UNC13C: variants seen among roughly 807,000 people sequenced by gnomAD.
UNC13C encodes the protein protein unc-13 homolog C.
A neutral mutation model predicts 245.4 loss-of-function variants in UNC13C; 174 were observed. That is an observed-to-expected ratio of 0.71 (90% CI 0.63 to 0.80). UNC13C has a LOEUF of 0.80. UNC13C is among the 30% of genes least tolerant of loss of function. UNC13C has a pLI of 0.00. For missense variants in UNC13C, 2,829 were observed against 2,602.9 expected, an observed-to-expected ratio of 1.09 and a Z score of -1.89; for synonymous variants, 992 against 895.1, an observed-to-expected ratio of 1.11 and a Z score of -1.93.
upstream of UNC13C, among the ~76,000 whole-genome samples, chr15:53,974,115 G>T (rs1047555575): frequency 6.6e-6 from 1 of 152,200 alleles, no homozygotes; most frequent in Middle Eastern, 3.4e-3. Flanking sequence ...ATAATGTTTT[G>T]CAAGTTTTTA....
At chr15:54,211,051 C>T (rs984303790) in intron 4 of UNC13C, among the ~76,000 whole-genome samples, 5 of 152,108 alleles carry the variant, frequency 3.3e-5, no homozygotes, top group Admixed American at 1.3e-4. Context: ...AATTGTCTGG[C>T]AGCACTCTAT....
chr15:54,280,747 CATATATACACATACATACATACATATAT>C (rs869033332), intron 10 of UNC13C, among the ~76,000 whole-genome samples: 1 of 74,630 alleles, frequency 1.3e-5, no homozygotes, highest in Non-Finnish European at 2.5e-5. Context: ...TACATATATA[CATATATACACATACATACATACATATAT>C]ATATATACAC....
At chr15:54,059,745 C>G (rs1897718278) in intron 2 of UNC13C, among the ~76,000 whole-genome samples, 1 of 152,188 alleles carries the variant, frequency 6.6e-6, no homozygotes, top group Non-Finnish European at 1.5e-5. Context: ...ATCAAAACAG[C>G]ATGGTACTGG....
chr15:54,285,269 AC>A (rs1182621688), intron 10 of UNC13C, among the ~76,000 whole-genome samples: 3 of 151,962 alleles, frequency 2.0e-5, no homozygotes, highest in East Asian at 3.9e-4. Context: ...TTTTTTTTAA[AC>A]TCCAATACTC....
intron 1 of UNC13C, among the ~76,000 whole-genome samples, chr15:53,980,569 T>C (rs1052157923): frequency 2.6e-5 from 4 of 152,224 alleles, no homozygotes; most frequent in Admixed American, 6.5e-5. Flanking sequence ...ATTTTCAAAC[T>C]ATAATGGAAT....
intron 1 of UNC13C, among the ~76,000 whole-genome samples, chr15:54,005,170 C>T (rs1011056350): frequency 5.3e-5 from 8 of 151,982 alleles, no homozygotes; most frequent in Middle Eastern, 3.2e-3. Flanking sequence ...AACCTAGGGG[C>T]CCAGTGGTGA....
chr15:54,413,563 T>A (rs887473767), intron 18 of UNC13C, among the ~76,000 whole-genome samples: 10 of 152,162 alleles, frequency 6.6e-5, no homozygotes, highest in Non-Finnish European at 1.5e-4. Context: ...TGTATTAAAT[T>A]TTTTAGAAAA....
rs1373295957 is a variant in UNC13C, at chr15:54,610,290, C to T, written c.6107-12037C>T. On this transcript the variant is annotated intron_variant, in intron 30 of 32. Transcript: ENST00000260323. ...TTGCTCTGTCGCCCAGGCAGGAGCACAGTGGCGCGATCTCGGCTCACTTCA... is the reference window on the plus strand; with the variant it reads ...TTGCTCTGTCGCCCAGGCAGGAGCATAGTGGCGCGATCTCGGCTCACTTCA... Among the ~76,000 whole-genome samples, 9 of 152,068 alleles carry T rather than the reference C, an allele frequency of 5.9e-5. No individual in the cohort carries two copies. In the East Asian group the frequency reaches 1.7e-3, roughly 29 times the overall value.
intron 13 of UNC13C, among the ~76,000 whole-genome samples, chr15:54,304,844 A>C (rs1232130017): frequency 1.3e-5 from 2 of 152,058 alleles, no homozygotes; most frequent in Non-Finnish European, 2.9e-5. Flanking sequence ...CAACATAGAT[A>C]CAATCTCTAT....
chr15:54,156,358 C>T (rs1290969965), intron 4 of UNC13C, among the ~76,000 whole-genome samples: 3 of 152,244 alleles, frequency 2.0e-5, no homozygotes, highest in East Asian at 3.9e-4. Flanking sequence ...AAAGGCCAAA[C>T]CAGGGGATTT....
At chr15:53,997,383 A>C (rs1323128469) in intron 1 of UNC13C, among the ~76,000 whole-genome samples, 1 of 152,176 alleles carries the variant, frequency 6.6e-6, no homozygotes, top group African/African-American at 2.4e-5. Flanking sequence ...ATGGTTTTCA[A>C]AGAAGACAAG....
chr15:53,904,631 C>T, the UNC13C span, among the ~76,000 whole-genome samples: 1 of 151,996 alleles, frequency 6.6e-6, no homozygotes, highest in East Asian at 1.9e-4. Context: ...TATTCTGAAC[C>T]TTATAGGAAA....
the UNC13C span, among the ~76,000 whole-genome samples, chr15:53,890,421 A>G: frequency 4.1e-4 from 63 of 152,270 alleles, no homozygotes; most frequent in African/African-American, 1.3e-3. Flanking sequence ...GATTACAGGC[A>G]TGAGCCACTG....
At chr15:54,048,535 A>C (rs1956180906) in intron 2 of UNC13C, 1 of 532,070 alleles carries the variant, frequency 1.9e-6, no homozygotes, top group South Asian at 1.8e-5. Flanking sequence ...CCATTTTTTG[A>C]CTCTTTAAAT....
intron 17 of UNC13C, among the ~76,000 whole-genome samples, chr15:54,384,760 C>T (rs1467385149): frequency 1.3e-5 from 2 of 152,084 alleles, no homozygotes; most frequent in African/African-American, 4.8e-5. Context: ...GCAAATTATT[C>T]ATCCTACAGG....
intron 2 of UNC13C, among the ~76,000 whole-genome samples, chr15:54,072,987 G>A (rs1299609815): frequency 1.3e-5 from 2 of 151,844 alleles, no homozygotes; most frequent in Non-Finnish European, 2.9e-5. Context: ...ACCCATTAAC[G>A]CATCATCTAC....
At chr15:54,413,740 G>A (rs538305916) in intron 18 of UNC13C, among the ~76,000 whole-genome samples, 23 of 152,182 alleles carry the variant, frequency 1.5e-4, no homozygotes, top group African/African-American at 5.1e-4. Flanking sequence ...TGTGTCAATA[G>A]TCTTTTCTTA....
intron 17 of UNC13C, among the ~76,000 whole-genome samples, chr15:54,357,620 A>G (rs1232913273): frequency 6.6e-6 from 1 of 152,104 alleles, no homozygotes; most frequent in East Asian, 1.9e-4. Context: ...TTAAAAAATA[A>G]CTTTAAGCCT....
the UNC13C span, among the ~76,000 whole-genome samples, chr15:53,893,364 T>A: frequency 6.6e-6 from 1 of 152,192 alleles, no homozygotes; most frequent in Non-Finnish European, 1.5e-5. Context: ...TTCTGACCCT[T>A]AACAGAGCTT....
Sources: allele counts gnomAD v4.1 joint callset (sites outside exome capture counted in the v4.1 genomes callset), GRCh38; gene constraint gnomAD v4.1.1; transcripts MANE v1.5; gene names NCBI Gene and HGNC (gene_info 2026-07-23, HGNC 2026-07-21).